MIB1: variants seen among roughly 807,000 people sequenced by gnomAD.
The protein encoded by MIB1 is E3 ubiquitin-protein ligase MIB1.
Under a neutral mutation model 124.5 loss-of-function variants are expected in MIB1, and 278 were observed. The ratio of observed to expected loss-of-function variants is 2.23; its 90% CI spans 2.02 to 2.47. MIB1 has a LOEUF of 2.47. Among genes scored for constraint, MIB1 ranks in the 30% most tolerant of loss-of-function variants. The pLI, the probability that MIB1 is intolerant of heterozygous loss-of-function variation, is 0.00. For synonymous variants in MIB1, 446 were observed against 429.4 expected (o/e 1.04, Z -0.48); for missense variants, 957 against 1,254.4 (o/e 0.76, Z 3.58).
intron 1 of MIB1, among the ~76,000 whole-genome samples, chr18:21,755,078 A>G (rs1261649445): frequency 1.3e-5 from 2 of 149,902 alleles, no homozygotes; most frequent in Non-Finnish European, 3.0e-5. Flanking sequence ...TTTTTTTTTC[A>G]TTGTTTCCCC....
chr18:21,732,254 G>A (rs899542870), intron 1 of MIB1, among the ~76,000 whole-genome samples: 2 of 151,682 alleles, frequency 1.3e-5, no homozygotes, highest in Non-Finnish European at 2.9e-5. Context: ...CTTGAACCCA[G>A]GAGGCAGAGG....
chr18:21,706,816 G>C (rs1449127376), intron 1 of MIB1, among the ~76,000 whole-genome samples: 2 of 152,202 alleles, frequency 1.3e-5, no homozygotes, highest in African/African-American at 4.8e-5. Flanking sequence ...CCCACTGTGG[G>C]CTCCTGCGGG....
chr18:21,843,983 G>A (rs1197822605), intron 14 of MIB1, 109 bp from the exon 15 acceptor site: 2 of 989,988 alleles, frequency 2.0e-6, no homozygotes, highest in Non-Finnish European at 2.9e-6. Context: ...ATTAGCTTTA[G>A]TGGTAACTTC....
At chr18:21,709,311 G>A (rs866514556) in intron 1 of MIB1, among the ~76,000 whole-genome samples, 1 of 36,838 alleles carries the variant, frequency 2.7e-5, no homozygotes. Context: ...GAGCGAGACT[G>A]TCTCAAAAAA....
intron 8 of MIB1, 123 bp from the exon 9 acceptor site, chr18:21,799,718 A>G: frequency 1.0e-6 from 1 of 997,994 alleles, no homozygotes; most frequent in African/African-American, 1.6e-5. Flanking sequence ...GGGTAGAAAA[A>G]TAACATTAAT....
intron 6 of MIB1, among the ~76,000 whole-genome samples, chr18:21,791,039 A>C (rs1205237178): frequency 6.6e-6 from 1 of 152,034 alleles, no homozygotes; most frequent in African/African-American, 2.4e-5. Flanking sequence ...TCCTGTCTCT[A>C]CTAAAAATAC....
At chr18:21,747,482 A>T (rs2040924344) in intron 1 of MIB1, among the ~76,000 whole-genome samples, 3 of 152,248 alleles carry the variant, frequency 2.0e-5, no homozygotes, top group Admixed American at 6.5e-5. Flanking sequence ...TGAATAGCAG[A>T]GTACTAAGTG....
rs1200456182 is a variant in MIB1 at position 21,799,946 on chromosome 18, A to C, written c.1343A>C (p.Glu448Ala). 2 of 1,612,066 alleles carry C rather than the reference A, an allele frequency of 1.2e-6. No homozygotes were observed. Among genetic ancestry groups the C allele is most frequent in the Middle Eastern group, 1.7e-4 (1 of 6,050 alleles). ...AAANGDVAKV[E>A]DLLKRPDVDV... ...GCCAATGGAGATGTTGCTAAAGTGG[A>C]AGATTTGCTTAAAAGACCAGATGTG... Residue 448 changes from glutamate (E) to alanine (A), a missense_variant, in exon 9 of 21, where the codon GAA becomes GCA. Coordinates refer to ENST00000261537, the MANE Select transcript of MIB1 (RefSeq NM_020774.4).
intron 8 of MIB1, 27 bp downstream of exon 8, chr18:21,798,255 G>A (rs1179883887): frequency 3.1e-6 from 5 of 1,608,952 alleles, no homozygotes; most frequent in Non-Finnish European, 4.3e-6. Context: ...GTTTCTTTAA[G>A]AGTAATGTGG....
intron 1 of MIB1, among the ~76,000 whole-genome samples, chr18:21,760,616 T>C (rs575214276): frequency 9.2e-5 from 14 of 152,354 alleles, no homozygotes; most frequent in South Asian, 2.1e-4. Context: ...TTTTAACCAG[T>C]TGTCATGTGT....
chr18:21,803,450 TTGTCCTTGC>T (rs2041671163), intron 9 of MIB1, among the ~76,000 whole-genome samples: 2 of 152,374 alleles, frequency 1.3e-5, no homozygotes, highest in Admixed American at 6.5e-5. Flanking sequence ...TCCTTATTTA[TTGTCCTTGC>T]AGTTTGCCTG....
chr18:21,735,611 C>T (rs1251106985), intron 1 of MIB1, among the ~76,000 whole-genome samples: 1 of 152,214 alleles, frequency 6.6e-6, no homozygotes, highest in Admixed American at 6.5e-5. Context: ...GCCCAGCAAG[C>T]TAAGATCCAC....
chr18:21,736,657 T>G (rs1329083252), upstream of MIB1, among the ~76,000 whole-genome samples: 3 of 152,074 alleles, frequency 2.0e-5, no homozygotes, highest in East Asian at 5.8e-4. Context: ...AAAACCAATT[T>G]AGAGAAGAAC....
Position 21,815,682 on chromosome 18 carries a change from C to T in MIB1, c.1546C>T (p.Leu516=), listed in dbSNP as rs965891776. ...FGDEGAVIEV[L]HRGSADLNAR... is the part of the protein sequence containing the mutation. ...AGATGAAGGCGCTGTTATAGAAGTA[C>T]TACATCGAGGTAGTGCTGATTTGAA... Residue 516 remains leucine, a synonymous_variant, in exon 11 of 21, where the codon CTA becomes TTA. Transcript: ENST00000261537. 11 of 1,614,008 alleles carry T rather than the reference C, an allele frequency of 6.8e-6. 1 individual carries two copies. In the African/African-American group the frequency reaches 1.1e-4, roughly 16 times the overall value.
rs78070787 is a variant in MIB1 at position 21,819,158 on chromosome 18, C to T, written c.1678-337C>T. 5.3e-3 allele frequency among the ~76,000 whole-genome samples: 805 copies of T among 152,272 alleles called. 6 individuals are homozygous for T. Among genetic ancestry groups the T allele is most frequent in the South Asian group, 0.012 (56 of 4,822 alleles). On this transcript the variant is annotated intron_variant, in intron 11 of 20. Coordinates refer to ENST00000261537, the MANE Select transcript of MIB1 (RefSeq NM_020774.4). ...GCTCAAGCCATTCTTCTGCCTCAGC[C>T]TCCTGAGTACCTAGGACTATAGGTG...
intron 20 of MIB1, 44 bp from the exon 21 acceptor site, chr18:21,864,482 A>C (rs1281093544): frequency 2.0e-6 from 3 of 1,472,800 alleles, no homozygotes; most frequent in Non-Finnish European, 2.8e-6. Flanking sequence ...TCACTTTCCA[A>C]ATATAAAGTG....
At chr18:21,784,050 CTTT>C (rs1175848884) in intron 6 of MIB1, among the ~76,000 whole-genome samples, 3 of 132,718 alleles carry the variant, frequency 2.3e-5, no homozygotes, top group Admixed American at 7.6e-5. Flanking sequence ...GCCTGTGTTG[CTTT>C]TTTTTTTTTT....
chr18:21,830,551 C>T (rs1009803525), intron 12 of MIB1: 2 of 152,010 alleles, frequency 1.3e-5, no homozygotes, highest in South Asian at 4.1e-4. Flanking sequence ...TATATTGAGT[C>T]AATAATAGGT....
chr18:21,854,792 G>T, intron 18 of MIB1: 1 of 168,946 alleles, frequency 5.9e-6, no homozygotes, highest in South Asian at 1.5e-4. Flanking sequence ...TAAAATTTTA[G>T]ACAACCTCAC....
Sources: allele counts gnomAD v4.1 joint callset (sites outside exome capture counted in the v4.1 genomes callset), GRCh38; gene constraint gnomAD v4.1.1; transcripts MANE v1.5; gene names NCBI Gene and HGNC (gene_info 2026-07-23, HGNC 2026-07-21).